PLCE1: variants seen among roughly 807,000 people sequenced by gnomAD.
PLCE1 encodes the protein 1-phosphatidylinositol 4,5-bisphosphate phosphodiesterase epsilon-1.
Under a neutral mutation model 242.8 loss-of-function variants are expected in PLCE1, and 119 were observed. The ratio of observed to expected loss-of-function variants is 0.49; its 90% confidence interval spans 0.42 to 0.57. The LOEUF (loss-of-function observed/expected upper bound fraction) is 0.57, where lower values mean the gene tolerates loss of function less well. Ranked by LOEUF, PLCE1 falls within the 20% of genes least tolerant of loss-of-function variation. The pLI is 0.00. For missense variants in PLCE1, 2,441 were observed against 2,788.8 expected (o/e 0.88, Z 2.81); for synonymous variants, 945 against 1,017.4 (o/e 0.93, Z 1.35).
rs1210633019 is a variant in PLCE1 at position 94,306,399 on chromosome 10, T to C, written c.5623-28T>C. The C allele has an allele frequency of 2.5e-6, 4 of 1,614,128 alleles. No individual in the cohort carries two copies. Among genetic ancestry groups the C allele is most frequent in the Non-Finnish European group, 2.5e-6 (3 of 1,179,988 alleles). On this transcript the variant is annotated intron_variant, in intron 25 of 32. Transcript: ENST00000371380. This position sits in a 1 kb window ranked among gnomAD's most constrained non-coding sequence, Gnocchi z 5.7. ...TCTTTCTTTTTTATCCTCGGTGACT[T>C]TGATCCCTTTTGTCTCCCTCACCCT...
intron 3 of PLCE1, among the ~76,000 whole-genome samples, chr10:94,146,232 G>C (rs1465919843): frequency 2.6e-5 from 4 of 152,160 alleles, no homozygotes; most frequent in Non-Finnish European, 5.9e-5. Context: ...ACTGAAAATA[G>C]AGGGCCAGAA....
chr10:94,043,601 G>T (rs943102092), intron 2 of PLCE1, among the ~76,000 whole-genome samples: 1 of 152,094 alleles, frequency 6.6e-6, no homozygotes. Context: ...CCAGATTTTT[G>T]TACCCTTCCA....
chr10:94,179,767 A>G (rs1460003644), intron 4 of PLCE1, among the ~76,000 whole-genome samples: 2 of 151,548 alleles, frequency 1.3e-5, no homozygotes, highest in East Asian at 1.9e-4. Flanking sequence ...TGGCCTCCCA[A>G]TGTGCTGGGA....
Position 94,132,182 on chromosome 10 carries a change from T to A in PLCE1, c.1215T>A (p.Asn405Lys), listed in dbSNP as rs2046617097. Residue 405 changes from asparagine to lysine, a missense_variant, in exon 3 of 33, where the codon AAT (asparagine) becomes AAA (lysine). Asn to Lys is a moderately conservative substitution (Grantham distance 94). This residue lies in a region of PLCE1 where 733 missense variants were observed against 754.2 expected (regional missense o/e 0.97). Coordinates refer to ENST00000371380, the MANE Select transcript of PLCE1 (RefSeq NM_016341.4). ...CTTTGTGCTATTCACAGATCTACAATGCAGTGAGAAGAGAAGAAACAGAAA... is the reference window on the plus strand; with the variant it reads ...CTTTGTGCTATTCACAGATCTACAAAGCAGTGAGAAGAGAAGAAACAGAAA... ...LSEAQWYPIY[N>K]AVRREETENT... The A allele has an allele frequency of 6.2e-7, 1 of 1,613,454 alleles. No homozygotes were observed. Among genetic ancestry groups the A allele is most frequent in the African/African-American group, 1.3e-5 (1 of 74,908 alleles).
chr10:94,185,437 A>C (rs956489242), intron 4 of PLCE1, among the ~76,000 whole-genome samples: 1 of 152,220 alleles, frequency 6.6e-6, no homozygotes, highest in African/African-American at 2.4e-5. Context: ...CAGAGGTTGC[A>C]GTGAGCTGAG....
intron 4 of PLCE1, among the ~76,000 whole-genome samples, chr10:94,189,217 C>G (rs962581177): frequency 6.7e-6 from 1 of 149,270 alleles, no homozygotes; most frequent in African/African-American, 2.4e-5. Flanking sequence ...CCAAAACACA[C>G]CACTCTTGAA....
At chr10:94,214,959 G>A (rs2049468744) in intron 4 of PLCE1, among the ~76,000 whole-genome samples, 1 of 152,146 alleles carries the variant, frequency 6.6e-6, no homozygotes, top group African/African-American at 2.4e-5. Context: ...CCTTCACTCA[G>A]AGAACCTCAG....
intron 2 of PLCE1, among the ~76,000 whole-genome samples, chr10:94,068,423 C>T (rs1437016172): frequency 6.6e-6 from 1 of 151,990 alleles, no homozygotes; most frequent in Non-Finnish European, 1.5e-5. Flanking sequence ...ACAAATAAAA[C>T]AATGCAACAT....
Position 94,127,950 on chromosome 10 carries a change from T to G in PLCE1, c.1207-4224T>G, listed in dbSNP as rs1483711698. On this transcript the variant is annotated intron_variant, in intron 2 of 32. Transcript: ENST00000371380. Reference sequence around the variant, plus strand: ...GGGCTTTTCCATGATTCCTTCTTTTTCATAAGTGAGTGATCTAGGAAGAGA... The same window carrying G: ...GGGCTTTTCCATGATTCCTTCTTTTGCATAAGTGAGTGATCTAGGAAGAGA... Among the ~76,000 whole-genome samples the G allele has an allele frequency of 4.6e-5, 7 of 151,908 alleles. No homozygotes were observed. The East Asian group carries it at 1.4e-3, about 29-fold the overall frequency.
intron 2 of PLCE1, among the ~76,000 whole-genome samples, chr10:94,070,718 C>T (rs1179951311): frequency 1.3e-5 from 2 of 152,214 alleles, no homozygotes. Context: ...CTGCTATTCA[C>T]TTTAATTGGG....
At chr10:94,288,090 A>AT (rs2052523314) in intron 22 of PLCE1, among the ~76,000 whole-genome samples, 1 of 151,926 alleles carries the variant, frequency 6.6e-6, no homozygotes, top group South Asian at 2.1e-4. Flanking sequence ...GAATTTTTTT[A>AT]TTTTGACAGC....
chr10:94,242,903 G>A (rs2050557350), intron 7 of PLCE1, among the ~76,000 whole-genome samples: 1 of 152,164 alleles, frequency 6.6e-6, no homozygotes, highest in Admixed American at 6.5e-5. Flanking sequence ...TAAATGATAT[G>A]TGTAAATGAT....
intron 1 of PLCE1, among the ~76,000 whole-genome samples, chr10:94,006,516 T>C (rs1421307348): frequency 6.6e-6 from 1 of 152,236 alleles, no homozygotes; most frequent in East Asian, 1.9e-4. Flanking sequence ...AGCCTCAGTT[T>C]CAAAGTCTCT....
At chr10:94,321,704 A>C (rs1040728027) in intron 29 of PLCE1, among the ~76,000 whole-genome samples, 197 bp from the exon 30 acceptor site, 22 of 152,128 alleles carry the variant, frequency 1.4e-4, no homozygotes, top group Admixed American at 3.9e-4. Context: ...ACATCATCAG[A>C]AGCACAGTAG....
At chr10:94,026,213 C>T (rs1013586931) in intron 1 of PLCE1, among the ~76,000 whole-genome samples, 2 of 152,130 alleles carry the variant, frequency 1.3e-5, no homozygotes, top group Non-Finnish European at 2.9e-5. Context: ...ATTTATTTTT[C>T]TTGTCTTAAT....
chr10:94,086,793 A>G lies in PLCE1; in HGVS notation c.1207-45381A>G, dbSNP rs117016596. On this transcript the variant is annotated intron_variant, in intron 2 of 32. Coordinates refer to ENST00000371380, the MANE Select transcript of PLCE1 (RefSeq NM_016341.4). Reference sequence around the variant, plus strand: ...TCTCACAGGTCTGCCTCCAGTCCCTATTTGTCCCCTTGACCAGCTGTGTGG... The same window carrying G: ...TCTCACAGGTCTGCCTCCAGTCCCTGTTTGTCCCCTTGACCAGCTGTGTGG... 3.9e-4 allele frequency among the ~76,000 whole-genome samples: 59 copies of G among 152,266 alleles called. No homozygotes were observed. In the East Asian group the frequency reaches 0.01, roughly 26 times the overall value.
At chr10:94,262,290 C>G (rs2051329698) in intron 13 of PLCE1, among the ~76,000 whole-genome samples, 1 of 152,160 alleles carries the variant, frequency 6.6e-6, no homozygotes, top group African/African-American at 2.4e-5. Flanking sequence ...CATGAGCCAC[C>G]ATGCTCAGCC....
chr10:94,192,053 A>G (rs2048684554), intron 4 of PLCE1, among the ~76,000 whole-genome samples: 1 of 152,220 alleles, frequency 6.6e-6, no homozygotes, highest in Non-Finnish European at 1.5e-5. Flanking sequence ...AATTATATAT[A>G]TATGGAGTGC....
At chr10:94,307,392 A>G (rs2053239032) in intron 26 of PLCE1, among the ~76,000 whole-genome samples, 2 of 152,132 alleles carry the variant, frequency 1.3e-5, no homozygotes, top group Admixed American at 6.5e-5. Flanking sequence ...TCTCCCAGCT[A>G]CACTCAAGCT....
Sources: allele counts gnomAD v4.1 joint callset (sites outside exome capture counted in the v4.1 genomes callset), GRCh38; gene constraint gnomAD v4.1.1; regional missense constraint gnomAD v4.1.1; non-coding constraint Gnocchi (gnomAD v3.1); transcripts MANE v1.5; gene names NCBI Gene and HGNC (gene_info 2026-07-23, HGNC 2026-07-21).